ATP11A: variants seen among roughly 807,000 people sequenced by gnomAD.
ATP11A encodes ATPase phospholipid transporting 11A.
ATP11A carries 81 observed loss-of-function variants against 154.4 expected under a neutral mutation model. That is an observed-to-expected ratio of 0.52 (90% confidence interval 0.44 to 0.63). The LOEUF (loss-of-function observed/expected upper bound fraction) is 0.63, where lower values mean the gene tolerates loss of function less well. Ranked by LOEUF, ATP11A falls within the 30% of genes least tolerant of loss-of-function variation. ATP11A has a pLI of 0.00. For synonymous variants in ATP11A, 623 were observed against 585.9 expected (o/e 1.06, Z -0.91); for missense variants, 1,316 against 1,474.3 (o/e 0.89, Z 1.76).
At chr13:112,726,788 T>C (rs1423657591) in intron 1 of ATP11A, among the ~76,000 whole-genome samples, 1 of 152,188 alleles carries the variant, frequency 6.6e-6, no homozygotes, top group Non-Finnish European at 1.5e-5. Context: ...ACCTGTAAAC[T>C]TGAAGCTGAA....
intron 25 of ATP11A, among the ~76,000 whole-genome samples, chr13:112,870,476 T>G (rs1481868254): frequency 2.0e-5 from 3 of 152,206 alleles, no homozygotes; most frequent in Admixed American, 6.5e-5. Context: ...CCTCCCGGGC[T>G]CAAGCAATTC....
In ATP11A at chr13:112,785,651, G is replaced by A. The variant is rs1037597753; in HGVS notation, c.162+394G>A. Among the ~76,000 whole-genome samples, 7 of 152,156 alleles carry A rather than the reference G, an allele frequency of 4.6e-5. No homozygotes were observed. The highest frequency in any genetic ancestry group is 1.3e-4 in the Admixed American group (2 of 15,276). ...AGGTAGAAACGATACCAGCCACCCCGGAGAAAGAGCCAACAAACGCAGGCT... is the reference window on the plus strand; with the variant it reads ...AGGTAGAAACGATACCAGCCACCCCAGAGAAAGAGCCAACAAACGCAGGCT... On this transcript the variant is annotated intron_variant, in intron 2 of 29. Coordinates refer to ENST00000375645, the MANE Select transcript of ATP11A (RefSeq NM_015205.3). This position sits in a 1 kb window ranked among gnomAD's most constrained non-coding sequence, Gnocchi z 4.8.
chr13:112,839,993 C>T (rs1384545265), intron 16 of ATP11A, among the ~76,000 whole-genome samples: 1 of 152,166 alleles, frequency 6.6e-6, no homozygotes, highest in East Asian at 1.9e-4. Flanking sequence ...TAGTTTAACC[C>T]CCGGGCCCTG....
intron 1 of ATP11A, among the ~76,000 whole-genome samples, chr13:112,738,278 C>T (rs1281806425): frequency 2.6e-5 from 4 of 152,124 alleles, no homozygotes; most frequent in Non-Finnish European, 5.9e-5. Flanking sequence ...GAGGCTGAGG[C>T]AGGAGAATTG....
At chr13:112,733,799 A>G (rs752492938) in intron 1 of ATP11A, among the ~76,000 whole-genome samples, 5 of 152,204 alleles carry the variant, frequency 3.3e-5, no homozygotes, top group Non-Finnish European at 7.3e-5. Context: ...TGTTTTGTCT[A>G]AGAGCTCCAG....
rs1192342804 is a variant in ATP11A at position 112,767,536 on chromosome 13, TAGGG to T, written c.40-17595_40-17592del. Among the ~76,000 whole-genome samples, 79 of 149,130 alleles carry T rather than the reference TAGGG, an allele frequency of 5.3e-4. 1 individual carries two copies. The highest frequency in any genetic ancestry group is 1.9e-3 in the African/African-American group (77 of 40,406). On this transcript the variant is annotated intron_variant, in intron 1 of 29. Transcript: ENST00000375645. ...GGTATCGGGGGCCCCTGTGGGAAGG[TAGGG>T]AGGATGTGGGGGTGCTGTTGGGAGC...
intron 1 of ATP11A, among the ~76,000 whole-genome samples, chr13:112,784,623 C>T (rs1250751875): frequency 2.6e-5 from 4 of 151,662 alleles, no homozygotes; most frequent in Non-Finnish European, 5.9e-5. Flanking sequence ...CCCGGGTTCA[C>T]GCCATTCTCC....
At position 112,753,175 on chromosome 13, in the gene ATP11A, G is replaced by T. The variant is rs180964363; in HGVS notation, c.40-31960G>T. On this transcript the variant is annotated intron_variant, in intron 1 of 29. Coordinates refer to ENST00000375645, the MANE Select transcript of ATP11A (RefSeq NM_015205.3). This position sits in a 1 kb window ranked among gnomAD's most constrained non-coding sequence, Gnocchi z 4.1. ...GTCCCTTTGTACCTGCGTGTTATGTGGATGGCGTGCATGTGTCTGCACAGC... is the reference window on the plus strand; with the variant it reads ...GTCCCTTTGTACCTGCGTGTTATGTTGATGGCGTGCATGTGTCTGCACAGC... 6.6e-6 allele frequency among the ~76,000 whole-genome samples: 1 copy of T among 152,242 alleles called. No homozygotes were observed. The highest frequency in any genetic ancestry group is 6.5e-5 in the Admixed American group (1 of 15,298).
At chr13:112,715,239 A>AT (rs1248558308) in intron 1 of ATP11A, among the ~76,000 whole-genome samples, 1 of 152,038 alleles carries the variant, frequency 6.6e-6, no homozygotes, top group African/African-American at 2.4e-5. Context: ...CCCAAACTCG[A>AT]TTGCAGAAGA....
chr13:112,746,408 G>C lies in ATP11A; in HGVS notation c.40-38727G>C, dbSNP rs1892155391. ...TTCCGGTTCCCCACGTCCTCACCGG[G>C]TAACTGGGGTTCCGGCTCCCCGCGT... On this transcript the variant is annotated intron_variant, in intron 1 of 29. Coordinates refer to ENST00000375645, the MANE Select transcript of ATP11A (RefSeq NM_015205.3). This position sits in a 1 kb window ranked among gnomAD's most constrained non-coding sequence, Gnocchi z 4.1. 1 of 151,348 alleles carries C rather than the reference G, an allele frequency of 6.6e-6. No homozygotes were observed. The highest frequency in any genetic ancestry group is 1.5e-5 in the Non-Finnish European group (1 of 67,864). The allele number at this position is 151,348 out of a possible 1,614,324, so 9.4% of individuals were successfully genotyped here.
At chr13:112,872,233 T>G (rs943578348) in intron 26 of ATP11A, among the ~76,000 whole-genome samples, 13 of 152,244 alleles carry the variant, frequency 8.5e-5, no homozygotes, top group African/African-American at 3.1e-4. Context: ...TCTCAAAACC[T>G]ATCAGACTGA....
intron 29 of ATP11A, chr13:112,881,671 C>A: frequency 8.2e-7 from 1 of 1,225,516 alleles, no homozygotes; most frequent in Non-Finnish European, 1.0e-6. Context: ...CCGGCCTGCC[C>A]TCAGGACGAG....
In ATP11A at chr13:112,809,715, T is replaced by C. The variant is rs1391308900; in HGVS notation, c.334-904T>C. On this transcript the variant is annotated intron_variant, in intron 4 of 29. Transcript: ENST00000375645. The stretch of plus-strand genomic sequence containing the variant: ...GTGCAGTCTCTCACATGCTGGGGAT[T>C]GTTACTGAGAACGGCATTCCCCATC... Among the ~76,000 whole-genome samples the C allele has an allele frequency of 7.9e-5, 12 of 152,180 alleles. No individual in the cohort carries two copies. In the East Asian group the frequency reaches 2.3e-3, roughly 29 times the overall value.
chr13:112,764,313 T>A (rs2077026725), intron 1 of ATP11A, among the ~76,000 whole-genome samples: 1 of 151,354 alleles, frequency 6.6e-6, no homozygotes, highest in Non-Finnish European at 1.5e-5. Context: ...TATCACGACT[T>A]AGCTTCCTTG....
chr13:112,703,019 A>C (rs752769931), intron 1 of ATP11A, among the ~76,000 whole-genome samples: 2 of 152,368 alleles, frequency 1.3e-5, no homozygotes, highest in Middle Eastern at 3.4e-3. Flanking sequence ...CTGAGATTAC[A>C]AACTTAAATG....
chr13:112,797,182 C>T (rs983470232), intron 2 of ATP11A, among the ~76,000 whole-genome samples: 11 of 148,852 alleles, frequency 7.4e-5, no homozygotes, highest in African/African-American at 2.5e-4. Context: ...ACTTGGGAGG[C>T]TGAGGCACAA....
At chr13:112,717,844 A>AGGT (rs1250916015) in intron 1 of ATP11A, among the ~76,000 whole-genome samples, 1 of 152,260 alleles carries the variant, frequency 6.6e-6, no homozygotes, top group Non-Finnish European at 1.5e-5. Flanking sequence ...TGGGAGACCG[A>AGGT]GGTGGGTGGA....
At chr13:112,773,370 G>C (rs2077271672) in intron 1 of ATP11A, among the ~76,000 whole-genome samples, 1 of 152,212 alleles carries the variant, frequency 6.6e-6, no homozygotes, top group Non-Finnish European at 1.5e-5. Flanking sequence ...TCTGAGCAAA[G>C]GAAATGCCGC....
chr13:112,860,160 T>C (rs1335079348), intron 23 of ATP11A, 127 bp from the exon 24 acceptor site: 29 of 1,067,722 alleles, frequency 2.7e-5, no homozygotes, highest in South Asian at 3.4e-5. Context: ...CTAGTTTATA[T>C]TGTTAAGCTT....
Sources: gnomAD v4.1 joint callset for allele counts (sites outside exome capture counted in the v4.1 genomes callset) on GRCh38, gnomAD v4.1.1 for gene constraint, Gnocchi (gnomAD v3.1) non-coding constraint, MANE v1.5 for transcripts, NCBI Gene and HGNC (gene_info 2026-07-23, HGNC 2026-07-21) for gene names.